Variants in PLXNA4 observed in about 807,000 individuals in gnomAD.
The protein encoded by PLXNA4 is plexin-A4.
In PLXNA4, 44 loss-of-function variants were observed where a neutral mutation model predicts 191.8. That is an observed-to-expected ratio of 0.23 (90% CI 0.18 to 0.29). PLXNA4 has a LOEUF of 0.29. PLXNA4 is among the 10% of genes least tolerant of loss of function. The pLI, the probability that PLXNA4 is intolerant of heterozygous loss-of-function variation, is 1.00. For synonymous variants in PLXNA4, 1,082 were observed against 1,009.5 expected, an observed-to-expected ratio of 1.07 and a Z score of -1.36; for missense variants, 1,800 against 2,488.8, an observed-to-expected ratio of 0.72 and a Z score of 5.89.
intron 31 of PLXNA4, among the ~76,000 whole-genome samples, chr7:132,132,461 TG>T (rs879926524): frequency 0.041 from 1,554 of 37,630 alleles, 77 homozygotes; most frequent in Middle Eastern, 0.062. Flanking sequence ...TGTTCTGTTC[TG>T]TTCTGCTCTG....
At chr7:132,301,769 T>C (rs1486802052) in intron 3 of PLXNA4, among the ~76,000 whole-genome samples, 1 of 152,264 alleles carries the variant, frequency 6.6e-6, no homozygotes, top group Non-Finnish European at 1.5e-5. Flanking sequence ...GAAGATGCTG[T>C]TGTAAATTTT....
chr7:132,255,576 C>T (rs142005332), intron 4 of PLXNA4, among the ~76,000 whole-genome samples: 166 of 152,272 alleles, frequency 1.1e-3, no homozygotes, highest in East Asian at 7.7e-3. Flanking sequence ...AATACTTCAG[C>T]CCTCAGTTAC....
chr7:132,535,063 A>G (rs1243517832), intron 1 of PLXNA4, among the ~76,000 whole-genome samples: 2 of 152,250 alleles, frequency 1.3e-5, no homozygotes, highest in Non-Finnish European at 2.9e-5. Flanking sequence ...GGTAATCAAT[A>G]AGAAAATGAA....
At chr7:132,429,724 T>C (rs796966636) in intron 3 of PLXNA4, among the ~76,000 whole-genome samples, 48 of 152,346 alleles carry the variant, frequency 3.2e-4, no homozygotes, top group African/African-American at 1.1e-3. Context: ...TAGAAGACTT[T>C]GTGCTTCTCT....
chr7:132,182,010 C>T lies in PLXNA4; in HGVS notation c.3252+87G>A, dbSNP rs574040839. ...TTATCAGTGTATGGGCAGGGAGTTA[C>T]CTCAGTACTTGGGAAGACCCACACC... On this transcript the variant is annotated intron_variant, in intron 17 of 31. Coordinates refer to ENST00000321063, the MANE Select transcript of PLXNA4 (RefSeq NM_020911.2). 8.5e-5 allele frequency: 135 copies of T among 1,595,848 alleles called. No homozygotes were observed. In the East Asian group the frequency reaches 2.6e-3, roughly 31 times the overall value.
intron 16 of PLXNA4, among the ~76,000 whole-genome samples, chr7:132,182,962 C>T (rs1796759310): frequency 6.6e-6 from 1 of 152,168 alleles, no homozygotes; most frequent in South Asian, 2.1e-4. Flanking sequence ...GTGGGCAGTA[C>T]TGTAGTGGAC....
chr7:132,360,253 G>C (rs1456725081), intron 3 of PLXNA4, among the ~76,000 whole-genome samples: 2 of 152,154 alleles, frequency 1.3e-5, no homozygotes, highest in Non-Finnish European at 2.9e-5. Context: ...GAGAGACCAA[G>C]AAGTCAGGAC....
At chr7:132,203,798 C>T (rs1417380288) in intron 10 of PLXNA4, among the ~76,000 whole-genome samples, 2 of 152,202 alleles carry the variant, frequency 1.3e-5, no homozygotes, top group Non-Finnish European at 2.9e-5. Flanking sequence ...TCCACTTCCT[C>T]TCTGGCTGCC....
At chr7:132,258,480 G>A (rs563522914) in intron 4 of PLXNA4, among the ~76,000 whole-genome samples, 37 of 152,352 alleles carry the variant, frequency 2.4e-4, no homozygotes, top group Admixed American at 2.0e-3. Context: ...TGGGAGCAGA[G>A]TCAAGGAGCA....
intron 14 of PLXNA4, among the ~76,000 whole-genome samples, chr7:132,191,792 C>CTCTCTCTCTCTCTCTCTG (rs1243619291): frequency 6.6e-6 from 1 of 151,524 alleles, no homozygotes; most frequent in East Asian, 1.9e-4. Flanking sequence ...CTCTCTCTCT[C>CTCTCTCTCTCTCTCTCTG]TCTGTCTCTA....
intron 8 of PLXNA4, 93 bp downstream of exon 8, chr7:132,226,068 T>G: frequency 8.3e-7 from 1 of 1,207,854 alleles, no homozygotes; most frequent in Non-Finnish European, 1.2e-6. Context: ...GGCTTCTAAA[T>G]GGTGACTCCC....
At chr7:132,359,660 T>G (rs1308071758) in intron 3 of PLXNA4, among the ~76,000 whole-genome samples, 1 of 152,208 alleles carries the variant, frequency 6.6e-6, no homozygotes, top group Non-Finnish European at 1.5e-5. Flanking sequence ...TCTCCCACCC[T>G]GGCCACAAAG....
intron 3 of PLXNA4, among the ~76,000 whole-genome samples, chr7:132,486,471 C>T (rs998342385): frequency 3.3e-5 from 5 of 152,166 alleles, no homozygotes; most frequent in African/African-American, 1.2e-4. Context: ...TCAGACTGTT[C>T]CCCTGGGCCA....
chr7:132,600,344 C>T (rs1802792814), intron 2 of PLXNA4, among the ~76,000 whole-genome samples: 1 of 152,018 alleles, frequency 6.6e-6, no homozygotes, highest in South Asian at 2.1e-4. Context: ...TATTTTTGGT[C>T]TAATTATGAT....
chr7:132,487,932 G>C (rs76498518), intron 3 of PLXNA4, among the ~76,000 whole-genome samples: 1 of 152,150 alleles, frequency 6.6e-6, no homozygotes, highest in Admixed American at 6.5e-5. Context: ...TCTTTGCAGG[G>C]AATTATGAAA....
At chr7:132,372,597 G>C (rs1231097990) in intron 3 of PLXNA4, among the ~76,000 whole-genome samples, 1 of 152,164 alleles carries the variant, frequency 6.6e-6, no homozygotes, top group Non-Finnish European at 1.5e-5. Flanking sequence ...TACCTCCAAG[G>C]TCTGATGTTA....
intron 3 of PLXNA4, among the ~76,000 whole-genome samples, chr7:132,338,175 C>T (rs930277359): frequency 6.6e-5 from 10 of 152,018 alleles, no homozygotes; most frequent in African/African-American, 2.2e-4. Context: ...CTGAAAGGAC[C>T]GCAGGATGGA....
intron 3 of PLXNA4, among the ~76,000 whole-genome samples, chr7:132,456,436 A>G (rs1796319983): frequency 6.6e-6 from 1 of 152,178 alleles, no homozygotes; most frequent in Non-Finnish European, 1.5e-5. Flanking sequence ...TATAAGGCCA[A>G]GAGCGTGCTC....
intron 3 of PLXNA4, among the ~76,000 whole-genome samples, chr7:132,421,915 C>A (rs904418916): frequency 6.6e-6 from 1 of 152,172 alleles, no homozygotes; most frequent in Non-Finnish European, 1.5e-5. Flanking sequence ...CAACCCTGGG[C>A]AAGCCAATGT....
Sources: gnomAD v4.1 joint callset for allele counts (sites outside exome capture counted in the v4.1 genomes callset) on GRCh38, gnomAD v4.1.1 for gene constraint, MANE v1.5 for transcripts, NCBI Gene and HGNC (gene_info 2026-07-23, HGNC 2026-07-21) for gene names.